The following ST18 variants were observed in gnomAD, a reference collection of about 807,000 sequenced individuals.
ST18 encodes the protein ST18 C2H2C-type zinc finger transcription factor.
In ST18, 50 loss-of-function variants were observed where a neutral mutation model predicts 110.0. The observed-to-expected ratio is 0.45, with a 90% CI of 0.36 to 0.58. The LOEUF (loss-of-function observed/expected upper bound fraction) is 0.58. Ranked by LOEUF, ST18 falls within the 20% of genes least tolerant of loss-of-function variation. The pLI, the probability that ST18 is intolerant of heterozygous loss-of-function variation, is 0.00. For missense variants in ST18, 1,306 were observed against 1,280.1 expected (o/e 1.02, Z -0.31); for synonymous variants, 461 against 452.4 (o/e 1.02, Z -0.24).
intron 16 of ST18, among the ~76,000 whole-genome samples, chr8:52,145,419 T>C (rs1360632956): frequency 3.3e-5 from 5 of 152,172 alleles, no homozygotes; most frequent in Non-Finnish European, 7.4e-5. Context: ...ATGCATACAA[T>C]AGTTTTATGA....
chr8:52,247,839 C>A (rs2093977190), intron 2 of ST18, among the ~76,000 whole-genome samples: 2 of 152,110 alleles, frequency 1.3e-5, no homozygotes, highest in South Asian at 2.1e-4. Flanking sequence ...TTAGTAAAAT[C>A]AAACTCTATT....
intron 2 of ST18, chr8:52,407,038 C>A (rs961009564): frequency 1.3e-5 from 2 of 152,152 alleles, no homozygotes; most frequent in Non-Finnish European, 2.9e-5. Flanking sequence ...ATCTTAAATG[C>A]CAACTTTCCG....
intron 2 of ST18, among the ~76,000 whole-genome samples, chr8:52,387,921 T>G: frequency 6.6e-6 from 1 of 152,174 alleles, no homozygotes; most frequent in East Asian, 1.9e-4. Context: ...CACTGACGTT[T>G]GTCCACTGGA....
chr8:52,337,329 C>T (rs1590033073), intron 2 of ST18, among the ~76,000 whole-genome samples: 2 of 152,172 alleles, frequency 1.3e-5, no homozygotes, highest in South Asian at 2.1e-4. Context: ...TGTTTCTCTT[C>T]GTCTGGCAAA....
intron 15 of ST18, among the ~76,000 whole-genome samples, chr8:52,151,406 C>A (rs1003812971): frequency 1.3e-5 from 2 of 152,082 alleles, no homozygotes; most frequent in South Asian, 2.1e-4. Flanking sequence ...ATGCTTTGGC[C>A]GTATCTTTCT....
At chr8:52,281,354 A>G (rs1239696303) in intron 2 of ST18, among the ~76,000 whole-genome samples, 1 of 152,218 alleles carries the variant, frequency 6.6e-6, no homozygotes. Flanking sequence ...ATGAATAGAA[A>G]GATAAAATTA....
At position 52,158,760 on chromosome 8, in the gene ST18, C is replaced by T. The variant is rs2060637171; in HGVS notation, c.1806+138G>A. The T allele has an allele frequency of 4.1e-6, 4 of 968,092 alleles. No homozygotes were observed. The South Asian group carries it at 6.1e-5, about 15-fold the overall frequency. The allele number at this position is 968,092 out of a possible 1,614,324, so 60.0% of individuals were successfully genotyped here. A position where few individuals can be genotyped will look rare whatever the true frequency, so the allele number is the denominator to read the frequency against. Reference sequence around the variant, plus strand: ...TCATCCCTGCCTGCGTTCCTCTGAGCCTCTTCCTGAGACAGGGAGGGGATC... The same window carrying T: ...TCATCCCTGCCTGCGTTCCTCTGAGTCTCTTCCTGAGACAGGGAGGGGATC... On this transcript the variant is annotated intron_variant, in intron 15 of 25. Transcript: ENST00000689386.
At chr8:52,199,249 C>T (rs62501006) in intron 8 of ST18, 16,355 of 152,120 alleles carry the variant, frequency 0.11, 1,188 homozygotes, top group Middle Eastern at 0.21. Flanking sequence ...GTAGCACCCA[C>T]CTCCTGGTAC....
At chr8:52,249,597 T>A (rs2094132695) in intron 2 of ST18, among the ~76,000 whole-genome samples, 1 of 152,006 alleles carries the variant, frequency 6.6e-6, no homozygotes, top group South Asian at 2.1e-4. Flanking sequence ...ATGTACATAC[T>A]CCACACAGTG....
intron 2 of ST18, among the ~76,000 whole-genome samples, chr8:52,324,326 G>GATGA (rs1290577277): frequency 6.6e-6 from 1 of 151,910 alleles, no homozygotes; most frequent in African/African-American, 2.4e-5. Context: ...TGGATGGATG[G>GATGA]ATGGATGGAT....
intron 2 of ST18, among the ~76,000 whole-genome samples, chr8:52,281,463 G>T (rs1469414523): frequency 6.6e-6 from 1 of 152,138 alleles, no homozygotes; most frequent in Non-Finnish European, 1.5e-5. Flanking sequence ...AACAATATTA[G>T]AAATGCGAAA....
chr8:52,132,081 T>C lies in ST18; in HGVS notation c.2543A>G (p.Lys848Arg), dbSNP rs371101423. The C allele has an allele frequency of 5.0e-6, 8 of 1,614,102 alleles. No individual in the cohort carries two copies. Among genetic ancestry groups the C allele is most frequent in the Admixed American group, 1.7e-5 (1 of 60,008 alleles). The change falls in exon 22 of 26, where the codon AAG becomes AGG. Residue 848 changes from lysine to arginine, a missense_variant. Physicochemically the swap from Lys to Arg is conservative, Grantham distance 26. Transcript: ENST00000689386. ...SGCPLAAKRQKENPLNGASLS... is the reference protein window; with the variant it reads ...SGCPLAAKRQRENPLNGASLS... ...GGAGGCTCCATTGAGAGGATTCTCC[T>C]TCTGTCTCTTGGCAGCCAGAGGACA...
chr8:52,264,053 C>A (rs957370051), intron 2 of ST18, among the ~76,000 whole-genome samples: 48 of 152,240 alleles, frequency 3.2e-4, no homozygotes, highest in African/African-American at 1.2e-3. Context: ...CCCGCCTTGG[C>A]CTCCCAAAGT....
At chr8:52,297,098 G>C (rs2095647319) in intron 2 of ST18, among the ~76,000 whole-genome samples, 1 of 152,210 alleles carries the variant, frequency 6.6e-6, no homozygotes. Context: ...ATAAGAATCT[G>C]TGTGTAGTGC....
intron 2 of ST18, among the ~76,000 whole-genome samples, chr8:52,352,879 T>A (rs1220934402): frequency 1.3e-5 from 2 of 152,230 alleles, no homozygotes; most frequent in Non-Finnish European, 1.5e-5. Flanking sequence ...TTCTTGTTCA[T>A]GAGTGTTCTA....
At chr8:52,405,433 T>C (rs549893426) in intron 2 of ST18, 1 of 152,350 alleles carries the variant, frequency 6.6e-6, no homozygotes, top group East Asian at 1.9e-4. Flanking sequence ...AGATGACTCA[T>C]GCCACCTGTT....
chr8:52,318,312 G>A lies in ST18; in HGVS notation c.-464-88235C>T, dbSNP rs186489745. Reference sequence around the variant, plus strand: ...ACATGAAAAAAAGCCCAAGATCACCGATCATTAGAGAAATACAAATCAAAA... The same window carrying A: ...ACATGAAAAAAAGCCCAAGATCACCAATCATTAGAGAAATACAAATCAAAA... On this transcript the variant is annotated intron_variant, in intron 2 of 25. Coordinates refer to ENST00000689386, the MANE Select transcript of ST18 (RefSeq NM_001352837.2). 1.1e-4 allele frequency among the ~76,000 whole-genome samples: 17 copies of A among 152,114 alleles called. No individual in the cohort carries two copies. In the East Asian group the frequency reaches 2.1e-3, roughly 19 times the overall value.
chr8:52,168,869 G>C (rs771646823), intron 10 of ST18, among the ~76,000 whole-genome samples: 1 of 152,228 alleles, frequency 6.6e-6, no homozygotes, highest in Non-Finnish European at 1.5e-5. Context: ...GTCTGATTAG[G>C]GGAACTGAGG....
At chr8:52,258,429 T>C (rs1385353244) in intron 2 of ST18, among the ~76,000 whole-genome samples, 2 of 152,234 alleles carry the variant, frequency 1.3e-5, no homozygotes, top group Non-Finnish European at 2.9e-5. Flanking sequence ...CATTTATTTA[T>C]TTTGACTCTT....
Sources: gnomAD v4.1 joint callset for allele counts (sites outside exome capture counted in the v4.1 genomes callset) on GRCh38, gnomAD v4.1.1 for gene constraint, MANE v1.5 for transcripts, NCBI Gene and HGNC (gene_info 2026-07-23, HGNC 2026-07-21) for gene names.